The following KATNIP variants were observed in gnomAD, a reference collection of about 807,000 sequenced individuals.
KATNIP encodes the protein katanin-interacting protein.
A neutral mutation model predicts 174.0 loss-of-function variants in KATNIP; 126 were observed. The ratio of observed to expected loss-of-function variants is 0.72; its 90% CI spans 0.63 to 0.84. KATNIP has a LOEUF of 0.84. Ranked by LOEUF, KATNIP falls within the 40% of genes least tolerant of loss-of-function variation. The pLI is 0.00. For synonymous variants in KATNIP, 810 were observed against 835.7 expected, an observed-to-expected ratio of 0.97 and a Z score of 0.53; for missense variants, 1,958 against 2,109.7, an observed-to-expected ratio of 0.93 and a Z score of 1.41.
chr16:27,589,217 A>G (rs889835524), intron 2 of KATNIP, among the ~76,000 whole-genome samples: 1 of 151,962 alleles, frequency 6.6e-6, no homozygotes, highest in Non-Finnish European at 1.5e-5. Flanking sequence ...ATGCAACTCT[A>G]TTATTTATTT....
At chr16:27,690,839 A>C (rs561674820) in intron 8 of KATNIP, among the ~76,000 whole-genome samples, 4 of 152,178 alleles carry the variant, frequency 2.6e-5, no homozygotes, top group African/African-American at 4.8e-5. Flanking sequence ...GGGCGCCATC[A>C]CCTAGCTCCA....
At chr16:27,691,297 G>C (rs1182540357) in intron 8 of KATNIP, among the ~76,000 whole-genome samples, 1 of 152,236 alleles carries the variant, frequency 6.6e-6, no homozygotes, top group Non-Finnish European at 1.5e-5. Flanking sequence ...CTCTGTGAGA[G>C]AGAAGAAAGC....
rs1220236976 is a variant in KATNIP at position 27,661,995 on chromosome 16, T to C, written c.540+13260T>C. Among the ~76,000 whole-genome samples the C allele has an allele frequency of 5.6e-4, 8 of 14,284 alleles. 2 individuals are homozygous for C. The highest frequency in any genetic ancestry group is 3.2e-3 in the African/African-American group (8 of 2,466). The allele number at this position is 14,284 out of a possible 152,430, so 9.4% of individuals were successfully genotyped here. On this transcript the variant is annotated intron_variant, in intron 6 of 27. Coordinates refer to ENST00000261588, the MANE Select transcript of KATNIP (RefSeq NM_015202.5). ...ATATATATATATATATACACATACA[T>C]ATATATATATATATATATATACACA...
At chr16:27,601,388 T>C (rs2075519374) in intron 2 of KATNIP, among the ~76,000 whole-genome samples, 2 of 152,192 alleles carry the variant, frequency 1.3e-5, no homozygotes, top group South Asian at 4.1e-4. Context: ...GAGGGGATGC[T>C]GCTAAACAAG....
At position 27,648,710 on chromosome 16, in the gene KATNIP, A is replaced by G. The variant is rs61738361; in HGVS notation, c.515A>G (p.Asn172Ser). Residue 172 changes from asparagine (N) to serine (S), a missense_variant, in exon 6 of 28, where the codon AAC becomes AGC. Physicochemically the swap from Asn to Ser is conservative, Grantham distance 46. Around this residue, in one of 3 missense-constraint regions of KATNIP, gnomAD observed 1,557 missense variants for 1,617.8 expected, o/e 0.96. Transcript: ENST00000261588. ...ELCGDVTLQA[N>S]NTSEDRPQEL... Reference sequence around the variant, plus strand: ...TGTGGGGATGTGACTCTCCAGGCAAACAACACTTCTGAGGATCGTCCGCAG... The same window carrying G: ...TGTGGGGATGTGACTCTCCAGGCAAGCAACACTTCTGAGGATCGTCCGCAG... 4.1e-3 allele frequency: 6,656 copies of G among 1,614,074 alleles called. 255 individuals are homozygous for G. In the African/African-American group the frequency reaches 0.078, roughly 19 times the overall value.
intron 14 of KATNIP, among the ~76,000 whole-genome samples, chr16:27,726,533 A>G (rs1597308742): frequency 1.3e-5 from 2 of 152,230 alleles, no homozygotes; most frequent in East Asian, 1.9e-4. Flanking sequence ...GGACCACATG[A>G]GTCTCAGTGC....
intron 2 of KATNIP, among the ~76,000 whole-genome samples, chr16:27,602,104 T>C (rs536303479): frequency 4.6e-5 from 7 of 152,240 alleles, no homozygotes; most frequent in African/African-American, 1.7e-4. Flanking sequence ...AGCTTGTCTC[T>C]TCTCAATTAT....
intron 2 of KATNIP, among the ~76,000 whole-genome samples, chr16:27,591,487 GT>G (rs975727242): frequency 6.6e-6 from 1 of 152,096 alleles, no homozygotes; most frequent in African/African-American, 2.4e-5. Flanking sequence ...GGCCGGAGTT[GT>G]GCTTTCTAAT....
intron 2 of KATNIP, among the ~76,000 whole-genome samples, chr16:27,598,377 A>G (rs1333167014): frequency 6.6e-6 from 1 of 152,156 alleles, no homozygotes; most frequent in Non-Finnish European, 1.5e-5. Context: ...CTGTCTGCAC[A>G]TCTGGCTTCT....
intron 14 of KATNIP, 118 bp from the exon 15 acceptor site, chr16:27,739,923 A>T: frequency 8.6e-7 from 1 of 1,158,992 alleles, no homozygotes; most frequent in Non-Finnish European, 1.2e-6. Flanking sequence ...GGTTTTCAAA[A>T]GCTTGCATTT....
chr16:27,642,907 C>A (rs866423601), intron 5 of KATNIP, among the ~76,000 whole-genome samples: 2 of 152,026 alleles, frequency 1.3e-5, no homozygotes, highest in Non-Finnish European at 2.9e-5. Context: ...CACACCCAGC[C>A]CAGGTGGGAC....
intron 2 of KATNIP, among the ~76,000 whole-genome samples, chr16:27,597,987 G>A (rs2075392468): frequency 6.6e-6 from 1 of 152,134 alleles, no homozygotes; most frequent in Admixed American, 6.6e-5. Context: ...CAGCACTTTG[G>A]GAGACTGAGG....
At chr16:27,563,996 G>A (rs919376672) in intron 1 of KATNIP, among the ~76,000 whole-genome samples, 3 of 149,552 alleles carry the variant, frequency 2.0e-5, no homozygotes, top group African/African-American at 7.4e-5. Flanking sequence ...CCAGTAGGTC[G>A]AGACTGCAGT....
intron 8 of KATNIP, among the ~76,000 whole-genome samples, chr16:27,689,794 G>A (rs567659835): frequency 1.4e-3 from 216 of 152,318 alleles, no homozygotes; most frequent in Admixed American, 2.4e-3. Context: ...TGAGCTAGCA[G>A]GTGGCTGGGC....
At chr16:27,639,411 A>G (rs1240298886) in intron 5 of KATNIP, among the ~76,000 whole-genome samples, 2 of 152,172 alleles carry the variant, frequency 1.3e-5, no homozygotes, top group Non-Finnish European at 2.9e-5. Flanking sequence ...ATTAAGATTT[A>G]TGGCTTCCTC....
At chr16:27,575,561 CA>C (rs771369080) in intron 2 of KATNIP, among the ~76,000 whole-genome samples, 45 of 152,170 alleles carry the variant, frequency 3.0e-4, no homozygotes, top group Non-Finnish European at 1.0e-4. Context: ...AATGAAAGGG[CA>C]TTTGTCAGGC....
At chr16:27,778,316 G>A (rs2082577551) in intron 27 of KATNIP, among the ~76,000 whole-genome samples, 1 of 152,240 alleles carries the variant, frequency 6.6e-6, no homozygotes, top group African/African-American at 2.4e-5. Flanking sequence ...GCTTCCCGGA[G>A]GAGGTGATGT....
chr16:27,721,793 A>C (rs1427234322), intron 14 of KATNIP, 98 bp downstream of exon 14: 17 of 1,378,192 alleles, frequency 1.2e-5, no homozygotes, highest in Non-Finnish European at 1.5e-5. Flanking sequence ...AAATGGATAC[A>C]CGGAAGCCCT....
intron 1 of KATNIP, among the ~76,000 whole-genome samples, chr16:27,552,183 A>C (rs1186538167): frequency 6.6e-6 from 1 of 152,172 alleles, no homozygotes. Flanking sequence ...AAATAGAAAA[A>C]ACTACTCTCA....
Sources: allele counts gnomAD v4.1 joint callset (sites outside exome capture counted in the v4.1 genomes callset), GRCh38; gene constraint gnomAD v4.1.1; regional missense constraint gnomAD v4.1.1; transcripts MANE v1.5; gene names NCBI Gene and HGNC (gene_info 2026-07-23, HGNC 2026-07-21).